Variants in DNAJC15 observed in about 807,000 individuals in gnomAD.
DNAJC15 encodes dnaJ homolog subfamily C member 15.
DNAJC15 carries 27 observed loss-of-function variants against 22.4 expected under a neutral mutation model. That is an observed-to-expected ratio of 1.20 (90% CI 0.89 to 1.66). The LOEUF is 1.66. Ranked by LOEUF, DNAJC15 falls within the 40% of genes most tolerant of loss-of-function variation. The pLI is 0.00. For synonymous variants in DNAJC15, 79 were observed against 63.2 expected, an observed-to-expected ratio of 1.25 and a Z score of -1.19; for missense variants, 208 against 187.1, an observed-to-expected ratio of 1.11 and a Z score of -0.65.
At chr13:43,101,102 T>G (rs1473754296) in intron 5 of DNAJC15, among the ~76,000 whole-genome samples, 3 of 152,222 alleles carry the variant, frequency 2.0e-5, no homozygotes, top group African/African-American at 7.2e-5. Flanking sequence ...AGGATATGTC[T>G]TTTTCCATCC....
At chr13:43,093,144 A>G (rs2040723318) in intron 5 of DNAJC15, among the ~76,000 whole-genome samples, 1 of 152,052 alleles carries the variant, frequency 6.6e-6, no homozygotes, top group African/African-American at 2.4e-5. Flanking sequence ...TTTTTATGAA[A>G]TCCAATTCTC....
chr13:43,094,190 A>AT (rs1317282171), intron 5 of DNAJC15, among the ~76,000 whole-genome samples: 2 of 151,656 alleles, frequency 1.3e-5, no homozygotes, highest in Non-Finnish European at 2.9e-5. Flanking sequence ...TTTACTTTGA[A>AT]TTTTTTTTTC....
At chr13:43,056,685 T>C (rs2040533238) in intron 1 of DNAJC15, among the ~76,000 whole-genome samples, 1 of 152,206 alleles carries the variant, frequency 6.6e-6, no homozygotes, top group Non-Finnish European at 1.5e-5. Flanking sequence ...ATAGTAAATT[T>C]GGGAGCTCCA....
In DNAJC15 at chr13:43,107,645, T is replaced by TG; in HGVS notation, c.*397_*398insG. On this transcript the variant is annotated 3_prime_UTR_variant, in exon 6 of 6. Transcript: ENST00000379221. Reference sequence around the variant, plus strand: ...TTATATTTGTACCCTCATTGTCAATTTTTTTTTAGGGAATTTGGGACTCTG... The same window carrying TG: ...TTATATTTGTACCCTCATTGTCAATTGTTTTTTTAGGGAATTTGGGACTCTG... 1 of 153,322 alleles carries TG rather than the reference T, an allele frequency of 6.5e-6. No individual in the cohort carries two copies. The highest frequency in any genetic ancestry group is 3.3e-3 in the Middle Eastern group (1 of 302). The allele number at this position is 153,322 out of a possible 1,614,324, so 9.5% of individuals were successfully genotyped here. A position where few individuals can be genotyped will look rare whatever the true frequency, so the allele number is the denominator to read the frequency against.
chr13:43,068,129 C>G (rs540305887), intron 2 of DNAJC15, among the ~76,000 whole-genome samples: 1 of 151,984 alleles, frequency 6.6e-6, no homozygotes, highest in African/African-American at 2.4e-5. Flanking sequence ...TGAATTAAAG[C>G]CTGTAGTGTC....
intron 1 of DNAJC15, among the ~76,000 whole-genome samples, chr13:43,024,749 A>G (rs1382754784): frequency 1.3e-5 from 2 of 151,846 alleles, no homozygotes; most frequent in Non-Finnish European, 2.9e-5. Context: ...GTTGCATGGT[A>G]ATTTTCAACA....
intron 1 of DNAJC15, among the ~76,000 whole-genome samples, chr13:43,059,138 C>A (rs2040545013): frequency 6.6e-6 from 1 of 151,608 alleles, no homozygotes; most frequent in Non-Finnish European, 1.5e-5. Flanking sequence ...AGTCCAGCTT[C>A]CTCTCCACCG....
At chr13:43,092,270 A>G (rs1004418817) in intron 5 of DNAJC15, among the ~76,000 whole-genome samples, 2 of 152,098 alleles carry the variant, frequency 1.3e-5, no homozygotes, top group African/African-American at 4.8e-5. Flanking sequence ...AGCCTACCTT[A>G]TCGAAAATAT....
chr13:43,061,754 T>G (rs1046155467), intron 1 of DNAJC15, among the ~76,000 whole-genome samples: 2 of 152,256 alleles, frequency 1.3e-5, no homozygotes, highest in Non-Finnish European at 2.9e-5. Context: ...AAGCCGTTCA[T>G]TAGGGATTTG....
At chr13:43,043,339 T>C (rs2040462307) in intron 1 of DNAJC15, among the ~76,000 whole-genome samples, 2 of 152,052 alleles carry the variant, frequency 1.3e-5, no homozygotes, top group Admixed American at 1.3e-4. Flanking sequence ...AACTCCTGAC[T>C]CTCAGTTGAT....
chr13:43,042,242 A>T (rs1174095863), intron 1 of DNAJC15, among the ~76,000 whole-genome samples: 2 of 152,224 alleles, frequency 1.3e-5, no homozygotes, highest in Non-Finnish European at 2.9e-5. Context: ...GTACAGTAAG[A>T]CATTAACAAC....
At chr13:43,024,298 C>G (rs984086338) in intron 1 of DNAJC15, among the ~76,000 whole-genome samples, 9 of 149,068 alleles carry the variant, frequency 6.0e-5, no homozygotes, top group Admixed American at 3.4e-4. Flanking sequence ...AGAAAACTGT[C>G]CAACAGAAGC....
chr13:43,083,150 A>G (rs911347426), intron 4 of DNAJC15, among the ~76,000 whole-genome samples: 2 of 151,844 alleles, frequency 1.3e-5, no homozygotes, highest in Non-Finnish European at 1.5e-5. Flanking sequence ...CACTTGTACG[A>G]TATATAATCC....
At chr13:43,093,495 C>T (rs575381319) in intron 5 of DNAJC15, among the ~76,000 whole-genome samples, 7 of 152,286 alleles carry the variant, frequency 4.6e-5, no homozygotes, top group Non-Finnish European at 1.0e-4. Flanking sequence ...ACTTCAGCCT[C>T]GGCCTCTCAG....
intron 5 of DNAJC15, among the ~76,000 whole-genome samples, chr13:43,105,736 G>T (rs2040793594): frequency 6.6e-6 from 1 of 152,114 alleles, no homozygotes; most frequent in African/African-American, 2.4e-5. Flanking sequence ...AATATTTGCT[G>T]AGGATATCCA....
At chr13:43,080,786 T>A (rs1008414210) in intron 4 of DNAJC15, among the ~76,000 whole-genome samples, 1 of 152,236 alleles carries the variant, frequency 6.6e-6, no homozygotes, top group African/African-American at 2.4e-5. Context: ...CTGAAAAAAA[T>A]TTGGCTCCTG....
intron 1 of DNAJC15, among the ~76,000 whole-genome samples, chr13:43,024,432 C>G (rs1258927477): frequency 6.7e-6 from 1 of 150,316 alleles, no homozygotes; most frequent in Non-Finnish European, 1.5e-5. Context: ...CAAGCTCCGC[C>G]TCCCGGTTTC....
chr13:43,053,192 G>T (rs2040513576), intron 1 of DNAJC15, among the ~76,000 whole-genome samples: 1 of 152,104 alleles, frequency 6.6e-6, no homozygotes, highest in South Asian at 2.1e-4. Flanking sequence ...TATTTGCTTT[G>T]TGGAAGATCA....
chr13:43,026,169 A>G (rs1353366062), intron 1 of DNAJC15, among the ~76,000 whole-genome samples: 1 of 152,236 alleles, frequency 6.6e-6, no homozygotes, highest in Non-Finnish European at 1.5e-5. Flanking sequence ...CTTGAACAAA[A>G]CAGTGGAATC....
Sources: allele counts gnomAD v4.1 joint callset (sites outside exome capture counted in the v4.1 genomes callset), GRCh38; gene constraint gnomAD v4.1.1; transcripts MANE v1.5; gene names NCBI Gene and HGNC (gene_info 2026-07-23, HGNC 2026-07-21).